Variants in RERE observed in about 807,000 individuals in gnomAD.
The protein encoded by RERE is arginine-glutamic acid dipeptide repeats protein.
RERE carries 40 observed loss-of-function variants against 146.1 expected under a neutral mutation model. The ratio of observed to expected loss-of-function variants is 0.27; its 90% CI spans 0.21 to 0.36. The LOEUF (loss-of-function observed/expected upper bound fraction) is 0.36, where lower values mean the gene tolerates loss of function less well. RERE is among the 10% of genes least tolerant of loss of function. The probability of loss-of-function intolerance (pLI) is 1.00; values close to 1 mark genes in which losing one functional copy is unlikely to be tolerated. For synonymous variants in RERE, 1,003 were observed against 866.0 expected (o/e 1.16, Z -2.78); for missense variants, 1,933 against 2,138.7 (o/e 0.90, Z 1.90).
Position 8,423,113 on chromosome 1 carries a change from G to T in RERE, c.1204-306C>A. ...TCTTCCACCAGGCACACATTCTGGT[G>T]CACGAAGGTATAAATATGCTCCATG... On this transcript the variant is annotated intron_variant, in intron 11 of 22. Transcript: ENST00000400908. The surrounding 1 kb of genome is among the most constrained non-coding windows in gnomAD (Gnocchi z 5.4). The T allele has an allele frequency of 2.8e-6, 1 of 354,382 alleles. No individual in the cohort carries two copies. The highest frequency in any genetic ancestry group is 5.4e-6 in the Non-Finnish European group (1 of 186,116). 22.0% of individuals were successfully genotyped at this position (354,382 alleles called of 1,614,324 possible).
rs190937427 is a variant in RERE, at chr1:8,417,713, C to A, written c.1284+5014G>T. On this transcript the variant is annotated intron_variant, in intron 12 of 22. Coordinates refer to ENST00000400908, the MANE Select transcript of RERE (RefSeq NM_001042681.2). ...CTTAAAAGCCTTAAATGGGTCCCAT[C>A]CCCACACTCACCCATACACATTCTT... is the stretch of plus-strand genomic sequence containing the variant. Among the ~76,000 whole-genome samples, 166 of 152,290 alleles carry A rather than the reference C, an allele frequency of 1.1e-3. 1 individual carries two copies. Among genetic ancestry groups the A allele is most frequent in the East Asian group, 2.7e-3 (14 of 5,188 alleles).
At chr1:8,464,013 C>A (rs1412046913) in intron 11 of RERE, among the ~76,000 whole-genome samples, 1 of 152,192 alleles carries the variant, frequency 6.6e-6, no homozygotes, top group African/African-American at 2.4e-5. Flanking sequence ...GATCTCTTAT[C>A]CACTCCTCAC....
At chr1:8,494,466 C>T (rs766366127) in intron 10 of RERE, among the ~76,000 whole-genome samples, 3 of 152,072 alleles carry the variant, frequency 2.0e-5, no homozygotes, top group African/African-American at 7.2e-5. Context: ...GTGGCTCACG[C>T]CTGTAATCCC....
intron 1 of RERE, among the ~76,000 whole-genome samples, chr1:8,657,805 C>A (rs1447457604): frequency 1.3e-5 from 2 of 152,186 alleles, no homozygotes; most frequent in Non-Finnish European, 2.9e-5. Flanking sequence ...CGAGATCACA[C>A]CACTGCACTC....
chr1:8,451,201 C>G (rs552718832), intron 11 of RERE, among the ~76,000 whole-genome samples: 1 of 152,142 alleles, frequency 6.6e-6, no homozygotes, highest in Non-Finnish European at 1.5e-5. Flanking sequence ...GAGGCTGAGG[C>G]GGGTGGATCA....
At chr1:8,727,910 C>T (rs1640003538) in intron 1 of RERE, among the ~76,000 whole-genome samples, 1 of 152,236 alleles carries the variant, frequency 6.6e-6, no homozygotes, top group East Asian at 1.9e-4. Flanking sequence ...ACTGCAAAGA[C>T]TTCTAAAACA....
chr1:8,386,020 ATATTTTTTTTTT>A (rs1215209291), intron 12 of RERE, among the ~76,000 whole-genome samples: 40 of 36,690 alleles, frequency 1.1e-3, no homozygotes, highest in African/African-American at 4.7e-3. Context: ...ATATATATAT[ATATTTTTTTTTT>A]TTTTTTTTTT....
intron 10 of RERE, among the ~76,000 whole-genome samples, chr1:8,472,269 C>T (rs1052629248): frequency 1.3e-5 from 2 of 152,194 alleles, no homozygotes; most frequent in Admixed American, 6.5e-5. Context: ...CCCTCTAATA[C>T]AACATCAAGT....
intron 4 of RERE, among the ~76,000 whole-genome samples, chr1:8,567,666 G>T (rs1032258589): frequency 1.3e-5 from 2 of 152,204 alleles, no homozygotes; most frequent in Non-Finnish European, 2.9e-5. Flanking sequence ...ATTATATTGT[G>T]TATGAACACT....
chr1:8,364,197 G>A lies in RERE; in HGVS notation c.1599C>T (p.Arg533=), dbSNP rs1295690456. 1 of 1,614,070 alleles carries A rather than the reference G, an allele frequency of 6.2e-7. No homozygotes were observed. The highest frequency in any genetic ancestry group is 8.5e-7 in the Non-Finnish European group (1 of 1,180,042). Residue 533 remains arginine, a synonymous_variant, in exon 15 of 23, where the codon CGC becomes CGT. Transcript: ENST00000400908. The surrounding 1 kb of genome is among the most constrained non-coding windows in gnomAD (Gnocchi z 5.1). The part of the protein sequence containing the change: ...RENILLCTDC[R]IHFKKYGELP... Reference sequence around the variant, plus strand: ...GCTCACCGTATTTCTTGAAGTGGATGCGACAGTCGGTGCAAAGCAGGATGT... The same window carrying A: ...GCTCACCGTATTTCTTGAAGTGGATACGACAGTCGGTGCAAAGCAGGATGT...
intron 12 of RERE, among the ~76,000 whole-genome samples, chr1:8,393,311 T>C (rs765219390): frequency 2.4e-4 from 36 of 152,182 alleles, no homozygotes; most frequent in Non-Finnish European, 3.8e-4. Flanking sequence ...GGGTAATAAA[T>C]GCCAAGTAAG....
At chr1:8,462,637 C>T (rs1644541752) in intron 11 of RERE, among the ~76,000 whole-genome samples, 1 of 152,214 alleles carries the variant, frequency 6.6e-6, no homozygotes, top group Non-Finnish European at 1.5e-5. Flanking sequence ...AGAGCAGCTG[C>T]TTCAAAGTAT....
chr1:8,541,412 GTCCATGTGC>G, intron 6 of RERE, 94 bp from the exon 7 acceptor site: 1 of 692,904 alleles, frequency 1.4e-6, no homozygotes, highest in Non-Finnish European at 2.5e-6. Context: ...ACTGAACTAA[GTCCATGTGC>G]ATGGAGAATC....
intron 8 of RERE, among the ~76,000 whole-genome samples, chr1:8,499,546 C>G (rs925719389): frequency 1.3e-5 from 2 of 152,190 alleles, no homozygotes; most frequent in African/African-American, 2.4e-5. Context: ...TTCCAGAAAT[C>G]TTCACATTTA....
intron 12 of RERE, among the ~76,000 whole-genome samples, chr1:8,378,387 G>C (rs192026933): frequency 6.6e-6 from 1 of 152,356 alleles, no homozygotes; most frequent in African/African-American, 2.4e-5. Context: ...CTGTCTTTAT[G>C]CAACTGTATT....
chr1:8,444,042 TG>T (rs1056686109), intron 11 of RERE, among the ~76,000 whole-genome samples: 5 of 152,174 alleles, frequency 3.3e-5, no homozygotes, highest in African/African-American at 7.2e-5. Flanking sequence ...AGTGGAGCTG[TG>T]GGAAGGGGCC....
chr1:8,648,114 A>G (rs760038066), intron 2 of RERE, among the ~76,000 whole-genome samples: 3 of 152,172 alleles, frequency 2.0e-5, no homozygotes, highest in Non-Finnish European at 2.9e-5. Flanking sequence ...CCATAGGGCA[A>G]TCTCTCTCCT....
intron 4 of RERE, among the ~76,000 whole-genome samples, chr1:8,598,656 T>C (rs975509569): frequency 6.6e-6 from 1 of 152,210 alleles, no homozygotes; most frequent in Non-Finnish European, 1.5e-5. Context: ...TGTCTCTTTC[T>C]GTCCTTTGTT....
chr1:8,661,419 C>A (rs1319439026), intron 1 of RERE, among the ~76,000 whole-genome samples: 1 of 152,134 alleles, frequency 6.6e-6, no homozygotes, highest in African/African-American at 2.4e-5. Context: ...AATGAAGTTA[C>A]TCGAATGACA....
Sources: allele counts gnomAD v4.1 joint callset (sites outside exome capture counted in the v4.1 genomes callset), GRCh38; gene constraint gnomAD v4.1.1; non-coding constraint Gnocchi (gnomAD v3.1); transcripts MANE v1.5; gene names NCBI Gene and HGNC (gene_info 2026-07-23, HGNC 2026-07-21).